The following LIPH variants were observed in gnomAD, a reference collection of about 807,000 sequenced individuals.
The protein encoded by LIPH is lipase H.
A neutral mutation model predicts 47.6 loss-of-function variants in LIPH; 32 were observed. That is an observed-to-expected ratio of 0.67 (90% CI 0.51 to 0.90). The LOEUF is 0.90. LIPH is among the 40% of genes least tolerant of loss of function. The pLI, the probability that LIPH is intolerant of heterozygous loss-of-function variation, is 0.00. For synonymous variants in LIPH, 190 were observed against 195.6 expected (o/e 0.97, Z 0.24); for missense variants, 497 against 541.4 (o/e 0.92, Z 0.81).
At chr3:185,543,459 A>G (rs1720775638) in intron 1 of LIPH, among the ~76,000 whole-genome samples, 1 of 152,234 alleles carries the variant, frequency 6.6e-6, no homozygotes, top group Admixed American at 6.5e-5. Context: ...TCCACTGACA[A>G]AAATATTGTG....
intron 1 of LIPH, among the ~76,000 whole-genome samples, chr3:185,547,188 G>A (rs185192682): frequency 6.6e-6 from 1 of 151,804 alleles, no homozygotes; most frequent in Non-Finnish European, 1.5e-5. Flanking sequence ...CCTTGATGAA[G>A]GTGCCTTGGA....
At chr3:185,539,029 G>A (rs1200464632) in intron 1 of LIPH, among the ~76,000 whole-genome samples, 1 of 151,440 alleles carries the variant, frequency 6.6e-6, no homozygotes, top group Non-Finnish European at 1.5e-5. Flanking sequence ...GGAGTGCAGT[G>A]GTGTGATCTC....
intron 1 of LIPH, among the ~76,000 whole-genome samples, chr3:185,538,553 G>A (rs73885746): frequency 2.4e-3 from 357 of 147,636 alleles, no homozygotes; most frequent in African/African-American, 8.4e-3. Context: ...ATCAAAGTAC[G>A]ATAATAATAC....
At chr3:185,511,355 A>G (rs1225817901) in intron 9 of LIPH, among the ~76,000 whole-genome samples, 169 bp downstream of exon 9, 2 of 152,038 alleles carry the variant, frequency 1.3e-5, no homozygotes, top group Non-Finnish European at 2.9e-5. Context: ...TTGAGCCACT[A>G]CACTTGGCCT....
Position 185,506,450 on chromosome 3 carries a change from A to G in LIPH, c.*2340T>C, listed in dbSNP as rs1312710616. The stretch of plus-strand genomic sequence containing the variant: ...GAGTTTACAAAGTAGTAGAAATTCT[A>G]TTTCTGGCATTTTCTTGCTATTGTT... On this transcript the variant is annotated 3_prime_UTR_variant, in exon 10 of 10. Transcript: ENST00000296252. 1.3e-5 allele frequency: 2 copies of G among 152,190 alleles called. No individual in the cohort carries two copies. The highest frequency in any genetic ancestry group is 2.9e-5 in the Non-Finnish European group (2 of 68,046). The allele number at this position is 152,190 out of a possible 1,614,324, so 9.4% of individuals were successfully genotyped here. A position where few individuals can be genotyped will look rare whatever the true frequency, so the allele number is the denominator to read the frequency against.
At chr3:185,511,484 T>C (rs1197310458) in intron 9 of LIPH, 40 bp downstream of exon 9, 1 of 1,600,842 alleles carries the variant, frequency 6.2e-7, no homozygotes, top group South Asian at 1.1e-5. Flanking sequence ...AGCAACATCT[T>C]TGGAAAACAG....
At position 185,517,135 on chromosome 3, in the gene LIPH, T is replaced by C. The variant is rs1173457209; in HGVS notation, c.914A>G (p.His305Arg). 3.1e-6 allele frequency: 5 copies of C among 1,609,794 alleles called. No individual in the cohort carries two copies. Among genetic ancestry groups the C allele is most frequent in the African/African-American group, 1.3e-5 (1 of 74,974 alleles). The part of the protein sequence containing the change: ...LGYYADNWKD[H>R]LRGKDPPMTK... ...CATTGGAGGATCTTTCCCCCTTAGA[T>C]GGTCTTTCCAATTATCAGCATAATA... The change falls in exon 7 of 10, where the codon CAT becomes CGT. Residue 305 changes from histidine (H) to arginine (R), a missense_variant. Physicochemically the swap from His to Arg is conservative, Grantham distance 29. Coordinates refer to ENST00000296252, the MANE Select transcript of LIPH (RefSeq NM_139248.3).
At chr3:185,527,708 A>G (rs1720155011) in intron 3 of LIPH, 123 bp from the exon 4 acceptor site, 2 of 703,390 alleles carry the variant, frequency 2.8e-6, no homozygotes, top group African/African-American at 1.9e-5. Context: ...GTGAGCGCTC[A>G]CACTCCCGTC....
chr3:185,511,644 T>A lies in LIPH; in HGVS notation c.1148A>T (p.Asn383Ile). The stretch of plus-strand genomic sequence containing the variant: ...TGCAGCCACTTTATCCAGATCTTGA[T>A]TAAATCTTGCAAGTAGACTCACTTG... ...YHQVSLLARFNQDLDKVAAIS... is the reference protein window; with the variant it reads ...YHQVSLLARFIQDLDKVAAIS... The change falls in exon 9 of 10, where the codon AAT becomes ATT. Residue 383 changes from asparagine to isoleucine, a missense_variant. Transcript: ENST00000296252. 3 of 1,613,692 alleles carry A rather than the reference T, an allele frequency of 1.9e-6. No homozygotes were observed. Among genetic ancestry groups the A allele is most frequent in the Non-Finnish European group, 1.7e-6 (2 of 1,179,610 alleles).
At chr3:185,536,899 A>G (rs1188109870) in intron 1 of LIPH, among the ~76,000 whole-genome samples, 1 of 152,094 alleles carries the variant, frequency 6.6e-6, no homozygotes, top group Non-Finnish European at 1.5e-5. Flanking sequence ...TTACTTATTT[A>G]TTTGATATGG....
rs1719454411 is a variant in LIPH, at chr3:185,508,566, G to T, written c.*224C>A. 5.3e-6 allele frequency: 3 copies of T among 560,810 alleles called. No individual in the cohort carries two copies. Among genetic ancestry groups the T allele is most frequent in the Admixed American group, 2.9e-5 (1 of 34,100 alleles). 34.7% of individuals were successfully genotyped at this position (560,810 alleles called of 1,614,324 possible). On this transcript the variant is annotated 3_prime_UTR_variant, in exon 10 of 10. Transcript: ENST00000296252. ...CAGACACAGCGCTGCGCTGCTGCGA[G>T]CCTGGCTATTTCTGACTTGCCCTAG...
rs1220498570 is a variant in LIPH, at chr3:185,552,488, T to C, written c.-17A>G. The C allele has an allele frequency of 1.9e-6, 3 of 1,574,506 alleles. No homozygotes were observed. In the Admixed American group the frequency reaches 5.0e-5, roughly 26 times the overall value. On this transcript the variant is annotated 5_prime_UTR_variant, in exon 1 of 10. Coordinates refer to ENST00000296252, the MANE Select transcript of LIPH (RefSeq NM_139248.3). Reference sequence around the variant, plus strand: ...TCTCAACATATGGAAACTGGAGAGATCGTGTGTCACATTCACAAGAATGAT... The same window carrying C: ...TCTCAACATATGGAAACTGGAGAGACCGTGTGTCACATTCACAAGAATGAT...
intron 3 of LIPH, among the ~76,000 whole-genome samples, chr3:185,529,933 A>C (rs1720264682): frequency 4.1e-5 from 2 of 48,480 alleles, no homozygotes; most frequent in Non-Finnish European, 5.1e-5. Flanking sequence ...AAAGAAAGAA[A>C]GAAAGAAAGA....
Position 185,514,484 on chromosome 3 carries a change from C to A in LIPH, c.1020G>T (p.Lys340Asn), listed in dbSNP as rs1254591996. The change falls in exon 8 of 10, where the codon AAG becomes AAT. Residue 340 changes from lysine to asparagine, a missense_variant. Coordinates refer to ENST00000296252, the MANE Select transcript of LIPH (RefSeq NM_139248.3). ...TGGTAATGTCCCCTCTTCTTACATT[C>A]TTGTTCCATGTTATAATATCCACAA... is the stretch of plus-strand genomic sequence containing the variant. ...HYFVDIITWN[K>N]NVRRGDITIK... 6.4e-7 allele frequency: 1 copy of A among 1,562,900 alleles called. No homozygotes were observed. The highest frequency in any genetic ancestry group is 8.8e-7 in the Non-Finnish European group (1 of 1,133,292).
At position 185,517,090 on chromosome 3, in the gene LIPH, G is replaced by A. The variant is rs1719749470; in HGVS notation, c.959C>T (p.Thr320Ile). Residue 320 changes from threonine to isoleucine, a missense_variant, in exon 7 of 10, where the codon ACA becomes ATA. Transcript: ENST00000296252. ...DPPMTKAFFDTAEESPFCMYH... is the reference protein window; with the variant it reads ...DPPMTKAFFDIAEESPFCMYH... ...ACTGCAGAATGGGCTCTCCTCAGCT[G>A]TGTCAAAGAATGCCTTCGTCATTGG... 1.9e-6 allele frequency: 3 copies of A among 1,612,434 alleles called. No homozygotes were observed. Among genetic ancestry groups the A allele is most frequent in the East Asian group, 4.5e-5 (2 of 44,886 alleles).
In LIPH at chr3:185,521,264, A is replaced by T. The variant is rs1323108482; in HGVS notation, c.719-1955T>A. On this transcript the variant is annotated intron_variant, in intron 5 of 9. Transcript: ENST00000296252. ...AGTTCACCATGGTAGTTTAACTATT[A>T]TGCTGTTCTGAACTGTTATACTATA... 2.6e-5 allele frequency among the ~76,000 whole-genome samples: 4 copies of T among 152,334 alleles called. No homozygotes were observed. In the South Asian group the frequency reaches 8.3e-4, roughly 32 times the overall value.
In LIPH at chr3:185,552,467, A is replaced by G; in HGVS notation, c.5T>C (p.Leu2Ser). M[L>S]RFYLFISLLC... ...CAAACTGATGAATAAGTAGAATCTC[A>G]ACATATGGAAACTGGAGAGATCGTG... The change falls in exon 1 of 10, where the codon TTG becomes TCG. Residue 2 changes from leucine to serine, a missense_variant. Coordinates refer to ENST00000296252, the MANE Select transcript of LIPH (RefSeq NM_139248.3). 6.3e-7 allele frequency: 1 copy of G among 1,598,284 alleles called. No homozygotes were observed. Among genetic ancestry groups the G allele is most frequent in the South Asian group, 1.1e-5 (1 of 90,734 alleles).
At chr3:185,552,292 T>C (rs1347162721) in intron 1 of LIPH, 131 bp downstream of exon 1, 1 of 634,660 alleles carries the variant, frequency 1.6e-6, no homozygotes, top group Non-Finnish European at 2.9e-6. Flanking sequence ...AGGCTTCCTA[T>C]ATCTTTTTCC....
chr3:185,533,614 C>T lies in LIPH; in HGVS notation c.483G>A (p.Gly161=), dbSNP rs755268861. 1.2e-6 allele frequency: 2 copies of T among 1,613,978 alleles called. No homozygotes were observed. The highest frequency in any genetic ancestry group is 1.7e-6 in the Non-Finnish European group (2 of 1,179,874). The change falls in exon 3 of 10, where the codon GGG becomes GGA. Residue 161 remains glycine, a synonymous_variant. Transcript: ENST00000296252. ...ATCCATCGTACATCTCTCCAACAAA[C>T]CCAGATATGTGGGCTCCTAGACTTA... ...IGVSLGAHIS[G]FVGEMYDGWL... is the part of the protein sequence containing the mutation.
Sources: gnomAD v4.1 joint callset for allele counts (sites outside exome capture counted in the v4.1 genomes callset) on GRCh38, gnomAD v4.1.1 for gene constraint, MANE v1.5 for transcripts, NCBI Gene and HGNC (gene_info 2026-07-23, HGNC 2026-07-21) for gene names.